USP53: variants seen among roughly 807,000 people sequenced by gnomAD.
USP53 encodes the protein ubiquitin specific peptidase 53.
USP53 carries 71 observed loss-of-function variants against 94.9 expected under a neutral mutation model. The observed-to-expected ratio is 0.75, with a 90% confidence interval of 0.62 to 0.91. The LOEUF (loss-of-function observed/expected upper bound fraction) is 0.91. Ranked by LOEUF, USP53 falls within the 40% of genes least tolerant of loss-of-function variation. The pLI, the probability that USP53 is intolerant of heterozygous loss-of-function variation, is 0.00. For missense variants in USP53, 1,173 were observed against 1,281.0 expected (o/e 0.92, Z 1.29); for synonymous variants, 375 against 422.7 (o/e 0.89, Z 1.39).
At chr4:119,275,607 T>C (rs1017451212) in intron 17 of USP53, among the ~76,000 whole-genome samples, 16 of 151,672 alleles carry the variant, frequency 1.1e-4, no homozygotes, top group African/African-American at 3.9e-4. Context: ...ATATGAACTT[T>C]CAAGTAGTTT....
intron 17 of USP53, among the ~76,000 whole-genome samples, chr4:119,281,169 G>A (rs373802188): frequency 1.3e-5 from 2 of 152,204 alleles, no homozygotes; most frequent in Middle Eastern, 3.2e-3. Context: ...AAGAAAGTTA[G>A]ATATTTGAAC....
chr4:119,234,793 G>A (rs1207440719), intron 3 of USP53, among the ~76,000 whole-genome samples: 1 of 152,140 alleles, frequency 6.6e-6, no homozygotes, highest in African/African-American at 2.4e-5. Flanking sequence ...TCCCTCAGTG[G>A]ATTGGTTCCA....
intron 17 of USP53, among the ~76,000 whole-genome samples, chr4:119,279,843 G>A (rs2089802): frequency 2.2e-3 from 335 of 152,186 alleles, no homozygotes; most frequent in African/African-American, 7.8e-3. Context: ...CGCAATATTC[G>A]GGTGGGAGTG....
intron 17 of USP53, among the ~76,000 whole-genome samples, chr4:119,288,806 C>T (rs34041064): frequency 1.3e-5 from 2 of 151,984 alleles, no homozygotes; most frequent in African/African-American, 2.4e-5. Context: ...GGCGTGGTGG[C>T]GCATGCCTGA....
intron 12 of USP53, chr4:119,266,243 C>T (rs1023534283): frequency 1.3e-5 from 6 of 454,412 alleles, no homozygotes; most frequent in Admixed American, 7.1e-5. Flanking sequence ...ACAATTTATC[C>T]GTTTACCTGT....
chr4:119,251,192 A>G (rs1748954670), intron 7 of USP53, among the ~76,000 whole-genome samples: 2 of 151,894 alleles, frequency 1.3e-5, no homozygotes, highest in South Asian at 4.1e-4. Flanking sequence ...GCTGAGAATG[A>G]TGGTTTCCAG....
intron 3 of USP53, among the ~76,000 whole-genome samples, chr4:119,231,667 C>T (rs923317567): frequency 6.6e-6 from 1 of 152,120 alleles, no homozygotes; most frequent in Non-Finnish European, 1.5e-5. Context: ...TGATTTATTA[C>T]AGTGAAAGGA....
chr4:119,216,015 A>G (rs375544859), intron 2 of USP53, among the ~76,000 whole-genome samples: 6 of 152,362 alleles, frequency 3.9e-5, no homozygotes, highest in African/African-American at 1.4e-4. Context: ...AGTTAGAAGT[A>G]TTGAATAAAC....
intron 1 of USP53, among the ~76,000 whole-genome samples, chr4:119,213,660 A>ATATATGTG: frequency 1.2e-4 from 14 of 117,784 alleles, no homozygotes; most frequent in African/African-American, 2.5e-4. Context: ...ATATATATAT[A>ATATATGTG]TGTGTGTGTG....
chr4:119,256,226 CTATTT>C lies in USP53; in HGVS notation c.373-13_373-9del. 1.3e-6 allele frequency: 2 copies of C among 1,574,474 alleles called. No individual in the cohort carries two copies. Among genetic ancestry groups the C allele is most frequent in the Non-Finnish European group, 1.7e-6 (2 of 1,152,790 alleles). ...CCTGCAAGATCAACAACTCATTTAT[CTATTT>C]TATTTTTAAATTAGGAAAATATGTT... is the stretch of plus-strand genomic sequence containing the variant. On this transcript the variant is annotated splice_polypyrimidine_tract_variant and intron_variant, in intron 7 of 18. Transcript: ENST00000692078.
intron 15 of USP53, among the ~76,000 whole-genome samples, chr4:119,270,448 T>C (rs1751709186): frequency 6.6e-6 from 1 of 152,162 alleles, no homozygotes. Flanking sequence ...TAAATCTAAA[T>C]ATGCAAAATA....
chr4:119,213,875 A>C (rs1181836414), intron 1 of USP53, among the ~76,000 whole-genome samples, 195 bp from the exon 2 acceptor site: 1 of 125,848 alleles, frequency 7.9e-6, no homozygotes, highest in Non-Finnish European at 1.6e-5. Context: ...GTCTCCAAAA[A>C]ACAAACAAAC....
rs1456886676 is a variant in USP53 at position 119,271,652 on chromosome 4, A to C, written c.1792A>C (p.Ser598Arg). Reference protein sequence around the residue: ...RETLNVDSIFSESEKRQHSPR... With the variant: ...RETLNVDSIFRESEKRQHSPR... ...AACATTAAATGTTGATAGTATTTTT[A>C]GTGAAAGTGAAAAAAGACAGCATAG... Residue 598 changes from serine to arginine, a missense_variant, in exon 16 of 19, where the codon AGT becomes CGT. Physicochemically the swap from Ser to Arg is moderately radical, Grantham distance 110 (BLOSUM62 -1). Coordinates refer to ENST00000692078, the MANE Select transcript of USP53 (RefSeq NM_001371395.1). The C allele has an allele frequency of 6.2e-7, 1 of 1,613,968 alleles. No individual in the cohort carries two copies. The highest frequency in any genetic ancestry group is 8.5e-7 in the Non-Finnish European group (1 of 1,180,032).
rs1231842800 is a variant in USP53, at chr4:119,294,997, A to G, written c.*1786A>G. The G allele has an allele frequency of 6.6e-6, 1 of 152,104 alleles. No homozygotes were observed. Among genetic ancestry groups the G allele is most frequent in the East Asian group, 1.9e-4 (1 of 5,206 alleles). The allele number at this position is 152,104 out of a possible 1,614,324, so 9.4% of individuals were successfully genotyped here. On this transcript the variant is annotated 3_prime_UTR_variant, in exon 19 of 19. Transcript: ENST00000692078. ...TTTTATAACATTGTAAGATACTAGA[A>G]AAATGGGCTTCAAGTTTTTTAATAG...
intron 17 of USP53, among the ~76,000 whole-genome samples, chr4:119,288,737 G>T (rs916902026): frequency 2.0e-5 from 3 of 151,962 alleles, no homozygotes; most frequent in Non-Finnish European, 4.4e-5. Flanking sequence ...TGGAGTTCGA[G>T]ACCAGCCTGA....
chr4:119,291,236 CA>C lies in USP53; in HGVS notation c.2326del (p.Ile776Ter). 7.3e-7 allele frequency: 1 copy of C among 1,362,686 alleles called. No homozygotes were observed. The highest frequency in any genetic ancestry group is 9.7e-7 in the Non-Finnish European group (1 of 1,026,910). 84.4% of individuals were successfully genotyped at this position (1,362,686 alleles called of 1,614,324 possible). The part of the protein sequence containing the change: ...SHEFHPESHL[Q>X]IKNHLIKRSH... Reference sequence around the variant, plus strand: ...TGAATTCCACCCAGAATCACATTTACAAATAAAAAATCATTTGATAAAAAGG... The same window carrying C: ...TGAATTCCACCCAGAATCACATTTACAATAAAAAATCATTTGATAAAAAGG... On this transcript the variant is annotated frameshift_variant, in exon 18 of 19. Transcript: ENST00000692078. LOFTEE classifies it low-confidence loss of function (END_TRUNC).
chr4:119,286,455 C>G lies in USP53; in HGVS notation c.2252-4710C>G, dbSNP rs75237968. 8.1e-3 allele frequency among the ~76,000 whole-genome samples: 1,227 copies of G among 151,732 alleles called. 15 individuals carry two copies. Among genetic ancestry groups the G allele is most frequent in the African/African-American group, 0.028 (1,166 of 41,382 alleles). On this transcript the variant is annotated intron_variant, in intron 17 of 18. Coordinates refer to ENST00000692078, the MANE Select transcript of USP53 (RefSeq NM_001371395.1). ...ATTCCTCACAAAGACACATGGATGT[C>G]TATGTCAGCAGAAGAGAAAAATAAC...
chr4:119,285,880 C>G (rs1754048429), intron 17 of USP53, among the ~76,000 whole-genome samples: 1 of 151,844 alleles, frequency 6.6e-6, no homozygotes, highest in African/African-American at 2.4e-5. Context: ...AAATGGCTAC[C>G]TATGTACTTT....
At chr4:119,252,190 TTC>T (rs1421858551) in intron 7 of USP53, among the ~76,000 whole-genome samples, 1 of 152,226 alleles carries the variant, frequency 6.6e-6, no homozygotes, top group Non-Finnish European at 1.5e-5. Flanking sequence ...TGGCCTAAAA[TTC>T]TCTTTTTTTG....
Sources: allele counts gnomAD v4.1 joint callset (sites outside exome capture counted in the v4.1 genomes callset), GRCh38; gene constraint gnomAD v4.1.1; transcripts MANE v1.5; gene names NCBI Gene and HGNC (gene_info 2026-07-23, HGNC 2026-07-21).